VPS13A: variants seen among roughly 807,000 people sequenced by gnomAD.
VPS13A encodes the protein vacuolar protein sorting 13 homolog A.
A neutral mutation model predicts 390.9 loss-of-function variants in VPS13A; 264 were observed. That is an observed-to-expected ratio of 0.68 (90% CI 0.61 to 0.75). The LOEUF (loss-of-function observed/expected upper bound fraction) is 0.75. Ranked by LOEUF, VPS13A falls within the 30% of genes least tolerant of loss-of-function variation. The pLI, the probability that VPS13A is intolerant of heterozygous loss-of-function variation, is 0.00. For synonymous variants in VPS13A, 1,231 were observed against 1,227.1 expected, an observed-to-expected ratio of 1.00 and a Z score of -0.07; for missense variants, 3,409 against 3,733.9, an observed-to-expected ratio of 0.91 and a Z score of 2.27.
chr9:77,345,169 C>A (rs1018460293), intron 52 of VPS13A, 27 bp downstream of exon 52: 8 of 1,609,840 alleles, frequency 5.0e-6, no homozygotes, highest in Middle Eastern at 1.6e-4. Context: ...TACAGTAACT[C>A]TTGATGGTGT....
At position 77,198,152 on chromosome 9, in the gene VPS13A, AT is replaced by A. The variant is rs927594403; in HGVS notation, c.101-1783del. On this transcript the variant is annotated intron_variant, in intron 1 of 71. Coordinates refer to ENST00000360280, the MANE Select transcript of VPS13A (RefSeq NM_033305.3). Reference sequence around the variant, plus strand: ...ACTGTAGAATGTACTGTATTTATTTATTTTTTTTTTCAAGTGAGAAGAAACA... The same window carrying A: ...ACTGTAGAATGTACTGTATTTATTTATTTTTTTTTCAAGTGAGAAGAAACA... Among the ~76,000 whole-genome samples, 659 of 150,112 alleles carry A rather than the reference AT, an allele frequency of 4.4e-3. 3 individuals are homozygous for A. Among genetic ancestry groups the A allele is most frequent in the African/African-American group, 0.015 (622 of 40,964 alleles).
At chr9:77,183,209 T>C (rs1266910438) in intron 1 of VPS13A, among the ~76,000 whole-genome samples, 1 of 152,214 alleles carries the variant, frequency 6.6e-6, no homozygotes, top group Admixed American at 6.5e-5. Context: ...TATTAACAGC[T>C]TTATTGACGT....
At chr9:77,210,761 G>C in intron 7 of VPS13A, 86 bp downstream of exon 7, 1 of 1,353,224 alleles carries the variant, frequency 7.4e-7, no homozygotes, top group South Asian at 1.2e-5. Context: ...GCCAGCATCA[G>C]AAATAGGTGT....
chr9:77,332,320 T>A (rs1830321226), intron 46 of VPS13A, among the ~76,000 whole-genome samples: 1 of 152,012 alleles, frequency 6.6e-6, no homozygotes, highest in Non-Finnish European at 1.5e-5. Context: ...GCTTTTCTCT[T>A]AAATATAATT....
intron 47 of VPS13A, chr9:77,338,149 A>G (rs1395042340): frequency 2.0e-5 from 3 of 151,984 alleles, no homozygotes; most frequent in Admixed American, 6.6e-5. Context: ...ATATTTTTTA[A>G]TTTTTAATTT....
At position 77,419,738 on chromosome 9, in the gene VPS13A, AC is replaced by A. The variant is rs1835287687; in HGVS notation, c.*3734del. The stretch of plus-strand genomic sequence containing the variant: ...TACCTAGATGTATTTTAACCTCTTT[AC>A]CACTAAGCATTTTACTATAATAGAA... On this transcript the variant is annotated 3_prime_UTR_variant, in exon 72 of 72. Transcript: ENST00000360280. 6.6e-6 allele frequency: 1 copy of A among 152,236 alleles called. No individual in the cohort carries two copies. The highest frequency in any genetic ancestry group is 1.5e-5 in the Non-Finnish European group (1 of 68,042). 9.4% of individuals were successfully genotyped at this position (152,236 alleles called of 1,614,324 possible).
chr9:77,234,777 T>G (rs532218116), intron 17 of VPS13A, among the ~76,000 whole-genome samples: 5 of 152,190 alleles, frequency 3.3e-5, no homozygotes, highest in South Asian at 2.1e-4. Context: ...GTTAATTTTT[T>G]GGGGGATATA....
intron 14 of VPS13A, among the ~76,000 whole-genome samples, chr9:77,226,241 T>A (rs912325927): frequency 2.0e-5 from 3 of 152,148 alleles, no homozygotes; most frequent in Non-Finnish European, 2.9e-5. Context: ...GCCAATTTAT[T>A]TTTTTTCAAT....
chr9:77,191,462 A>G (rs1390758890), intron 1 of VPS13A, among the ~76,000 whole-genome samples: 1 of 151,074 alleles, frequency 6.6e-6, no homozygotes, highest in African/African-American at 2.4e-5. Flanking sequence ...CACCTGGCTA[A>G]TTTTTTTTGT....
intron 19 of VPS13A, among the ~76,000 whole-genome samples, chr9:77,240,740 C>CCGGGCTAAATTAAT (rs1824440614): frequency 6.6e-6 from 1 of 152,068 alleles, no homozygotes; most frequent in African/African-American, 2.4e-5. Flanking sequence ...TCCCAAAGTG[C>CCGGGCTAAATTAAT]TGGGATTACA....
At chr9:77,277,633 A>G (rs983055062) in intron 26 of VPS13A, among the ~76,000 whole-genome samples, 1 of 152,190 alleles carries the variant, frequency 6.6e-6, no homozygotes, top group African/African-American at 2.4e-5. Context: ...TAGTGTCTCC[A>G]TAGTTTTACC....
intron 41 of VPS13A, 54 bp from the exon 42 acceptor site, chr9:77,319,518 A>T (rs1361164032): frequency 2.4e-6 from 3 of 1,229,788 alleles, no homozygotes; most frequent in Admixed American, 3.5e-5. Flanking sequence ...GCTAAAAAAC[A>T]TGGTGGGAAA....
At chr9:77,210,180 T>TCTCTCTCC (rs1825892764) in intron 6 of VPS13A, among the ~76,000 whole-genome samples, 1 of 127,124 alleles carries the variant, frequency 7.9e-6, no homozygotes, top group African/African-American at 3.0e-5. Flanking sequence ...TCTCTCTCTC[T>TCTCTCTCC]CTCTTTCTCT....
intron 33 of VPS13A, among the ~76,000 whole-genome samples, chr9:77,301,918 A>T (rs1587530096): frequency 6.6e-6 from 1 of 151,986 alleles, no homozygotes; most frequent in Middle Eastern, 3.4e-3. Flanking sequence ...TTTTATAATG[A>T]TGTCTTATAT....
chr9:77,339,518 A>T lies in VPS13A; in HGVS notation c.6381A>T (p.Gly2127=). The T allele has an allele frequency of 6.5e-7, 1 of 1,533,598 alleles. No homozygotes were observed. The highest frequency in any genetic ancestry group is 1.2e-5 in the South Asian group (1 of 80,260). The allele number at this position is 1,533,598 out of a possible 1,614,324, so 95.0% of individuals were successfully genotyped here. ...LPYKIAYYIE[G]IENSVFTLSE... ...TGTTTTTTTTTTTTTTATTACAGGG[A>T]ATTGAAAATTCGGTTTTTACTCTAA... The change falls in exon 48 of 72, where the codon GGA becomes GGT. Residue 2127 remains glycine, a splice_region_variant and synonymous_variant. Coordinates refer to ENST00000360280, the MANE Select transcript of VPS13A (RefSeq NM_033305.3).
intron 68 of VPS13A, among the ~76,000 whole-genome samples, chr9:77,391,812 A>G (rs374231929): frequency 1.3e-5 from 2 of 152,264 alleles, no homozygotes; most frequent in South Asian, 4.1e-4. Context: ...ATAAAATTGA[A>G]TTTTTGCTGG....
chr9:77,179,189 G>A (rs1823848120), intron 1 of VPS13A, among the ~76,000 whole-genome samples: 1 of 152,200 alleles, frequency 6.6e-6, no homozygotes, highest in African/African-American at 2.4e-5. Context: ...CATTCAGGGT[G>A]GAGGTTTGTC....
chr9:77,337,044 G>A (rs562778100), intron 46 of VPS13A, among the ~76,000 whole-genome samples: 8 of 151,864 alleles, frequency 5.3e-5, no homozygotes, highest in African/African-American at 9.6e-5. Context: ...TGATACGCCC[G>A]TCTCGGCCTC....
At chr9:77,196,732 T>C (rs1825028110) in intron 1 of VPS13A, among the ~76,000 whole-genome samples, 1 of 152,148 alleles carries the variant, frequency 6.6e-6, no homozygotes. Flanking sequence ...CCACATTTTC[T>C]TTAGCAGTGC....
Sources: gnomAD v4.1 joint callset for allele counts (sites outside exome capture counted in the v4.1 genomes callset) on GRCh38, gnomAD v4.1.1 for gene constraint, MANE v1.5 for transcripts, NCBI Gene and HGNC (gene_info 2026-07-23, HGNC 2026-07-21) for gene names.